Variants in MACROD2 observed in about 807,000 individuals in gnomAD.
MACROD2 encodes mono-ADP ribosylhydrolase 2, also known as ADP-ribose glycohydrolase MACROD2.
In MACROD2, 36 loss-of-function variants were observed where a neutral mutation model predicts 70.4. The ratio of observed to expected loss-of-function variants is 0.51; its 90% CI spans 0.39 to 0.68. MACROD2 has a LOEUF of 0.68. Ranked by LOEUF, MACROD2 falls within the 30% of genes least tolerant of loss-of-function variation. The probability of loss-of-function intolerance (pLI) is 0.00; values close to 1 mark genes in which losing one functional copy is unlikely to be tolerated. For missense variants in MACROD2, 496 were observed against 538.4 expected, an observed-to-expected ratio of 0.92 and a Z score of 0.78; for synonymous variants, 172 against 178.8, an observed-to-expected ratio of 0.96 and a Z score of 0.30.
intron 8 of MACROD2, among the ~76,000 whole-genome samples, chr20:15,501,142 A>T (rs7354089): frequency 2.6e-5 from 4 of 152,206 alleles, no homozygotes; most frequent in Non-Finnish European, 5.9e-5. Flanking sequence ...TTGGAATGCC[A>T]CCAAGGCCAG....
intron 15 of MACROD2, among the ~76,000 whole-genome samples, chr20:15,991,785 A>G (rs1210977694): frequency 6.6e-6 from 1 of 152,160 alleles, no homozygotes; most frequent in Non-Finnish European, 1.5e-5. Flanking sequence ...TTTTAATAAT[A>G]TTTTGAATCT....
At chr20:15,211,070 AG>A (rs1437442080) in intron 5 of MACROD2, among the ~76,000 whole-genome samples, 1 of 152,228 alleles carries the variant, frequency 6.6e-6, no homozygotes, top group African/African-American at 2.4e-5. Context: ...GCCTTAAAAA[AG>A]ATTCTATACC....
chr20:15,794,237 T>C (rs1200263557), intron 8 of MACROD2, among the ~76,000 whole-genome samples: 1 of 152,188 alleles, frequency 6.6e-6, no homozygotes, highest in African/African-American at 2.4e-5. Context: ...ACTCCTTTTT[T>C]TCTTTTAGCA....
At chr20:15,996,554 T>C (rs1239922687) in intron 15 of MACROD2, among the ~76,000 whole-genome samples, 1 of 152,158 alleles carries the variant, frequency 6.6e-6, no homozygotes, top group African/African-American at 2.4e-5. Context: ...TTTTCTTTTT[T>C]AAATCAGGTA....
chr20:14,229,166 G>A (rs1368890618), intron 3 of MACROD2, among the ~76,000 whole-genome samples: 1 of 152,186 alleles, frequency 6.6e-6, no homozygotes, highest in African/African-American at 2.4e-5. Flanking sequence ...GTTTGCTGAT[G>A]AGCTTCTTTT....
At chr20:14,845,412 A>C (rs1306446675) in intron 5 of MACROD2, among the ~76,000 whole-genome samples, 1 of 152,096 alleles carries the variant, frequency 6.6e-6, no homozygotes, top group Admixed American at 6.6e-5. Flanking sequence ...GGTCAGCAAA[A>C]AGACAGGAGT....
intron 8 of MACROD2, among the ~76,000 whole-genome samples, chr20:15,796,430 G>C (rs972354432): frequency 6.6e-6 from 1 of 152,206 alleles, no homozygotes; most frequent in Non-Finnish European, 1.5e-5. Flanking sequence ...TTTGTTTCAA[G>C]ATTGTGCCTT....
chr20:16,018,208 G>A (rs548045928), intron 15 of MACROD2, among the ~76,000 whole-genome samples: 1 of 152,336 alleles, frequency 6.6e-6, no homozygotes, highest in African/African-American at 2.4e-5. Context: ...GAGAAATTAA[G>A]TGCCTAGAAT....
At position 14,383,745 on chromosome 20, in the gene MACROD2, CTTTA is replaced by C. The variant is rs770092140; in HGVS notation, c.272-109727_272-109724del. Among the ~76,000 whole-genome samples, 236 of 152,126 alleles carry C rather than the reference CTTTA, an allele frequency of 1.6e-3. 1 individual carries two copies. The highest frequency in any genetic ancestry group is 2.4e-3 in the Non-Finnish European group (166 of 67,956). ...TTGTCTTTTCTAAACACTTCAGAAA[CTTTA>C]TTTATTAGCTTTAGAGGTAGATCCT... On this transcript the variant is annotated intron_variant, in intron 3 of 17. Transcript: ENST00000684519.
chr20:15,037,842 G>A (rs2075325781), intron 5 of MACROD2, among the ~76,000 whole-genome samples: 1 of 151,972 alleles, frequency 6.6e-6, no homozygotes, highest in African/African-American at 2.4e-5. Flanking sequence ...CAATTAGACA[G>A]GAGGACTAAG....
chr20:14,811,200 A>G (rs577160680), intron 5 of MACROD2, among the ~76,000 whole-genome samples: 2 of 152,266 alleles, frequency 1.3e-5, no homozygotes, highest in East Asian at 3.9e-4. Context: ...CTACAAGGCT[A>G]CCGTAACCAA....
chr20:15,911,593 T>C (rs978399237), intron 10 of MACROD2, among the ~76,000 whole-genome samples: 10 of 152,102 alleles, frequency 6.6e-5, no homozygotes, highest in African/African-American at 2.4e-4. Flanking sequence ...ATGTGAAGGA[T>C]AGGCAAGAAG....
chr20:14,325,596 T>C, intron 3 of MACROD2: 1 of 1,613,256 alleles, frequency 6.2e-7, no homozygotes, highest in Non-Finnish European at 8.5e-7. Flanking sequence ...TACCACTGTC[T>C]CTGTAGCTTC....
At chr20:15,805,307 A>G (rs1292428386) in intron 8 of MACROD2, among the ~76,000 whole-genome samples, 6 of 152,114 alleles carry the variant, frequency 3.9e-5, no homozygotes, top group African/African-American at 1.4e-4. Flanking sequence ...TTAAAGGAAA[A>G]TGATCCTCGC....
intron 10 of MACROD2, among the ~76,000 whole-genome samples, chr20:15,922,567 G>A (rs2147293326): frequency 1.3e-5 from 2 of 152,298 alleles, no homozygotes; most frequent in Middle Eastern, 6.8e-3. Context: ...AGCTTTAAAG[G>A]ACAGAGTCTG....
chr20:15,185,068 T>C (rs1004510283), intron 5 of MACROD2, among the ~76,000 whole-genome samples: 2 of 152,160 alleles, frequency 1.3e-5, no homozygotes, highest in African/African-American at 4.8e-5. Context: ...ACTTTGTTGA[T>C]TGCATGCACA....
At chr20:14,659,139 T>C (rs1324779311) in intron 4 of MACROD2, among the ~76,000 whole-genome samples, 2 of 152,106 alleles carry the variant, frequency 1.3e-5, no homozygotes, top group Admixed American at 1.3e-4. Flanking sequence ...AGCCTTACAA[T>C]AACTAGCCTT....
chr20:14,281,933 CAAAA>C (rs571115190), intron 3 of MACROD2, among the ~76,000 whole-genome samples: 2 of 96,574 alleles, frequency 2.1e-5, no homozygotes, highest in African/African-American at 4.4e-5. Context: ...GACTCCCTCT[CAAAA>C]AAAAAAAAAA....
intron 3 of MACROD2, among the ~76,000 whole-genome samples, chr20:14,091,448 A>G (rs2054147936): frequency 6.6e-6 from 1 of 152,158 alleles, no homozygotes; most frequent in South Asian, 2.1e-4. Context: ...ATAATAATGT[A>G]TTATATATTT....
Sources: allele counts gnomAD v4.1 joint callset (sites outside exome capture counted in the v4.1 genomes callset), GRCh38; gene constraint gnomAD v4.1.1; transcripts MANE v1.5; gene names NCBI Gene and HGNC (gene_info 2026-07-23, HGNC 2026-07-21).